NRXN1: variants seen among roughly 807,000 people sequenced by gnomAD.
NRXN1 encodes neurexin-1.
A neutral mutation model predicts 150.9 loss-of-function variants in NRXN1; 39 were observed. The ratio of observed to expected loss-of-function variants is 0.26; its 90% CI spans 0.20 to 0.34. NRXN1 has a LOEUF of 0.34. Ranked by LOEUF, NRXN1 falls within the 10% of genes least tolerant of loss-of-function variation. The probability of loss-of-function intolerance (pLI) is 1.00; values close to 1 mark genes in which losing one functional copy is unlikely to be tolerated. For synonymous variants in NRXN1, 924 were observed against 757.0 expected (o/e 1.22, Z -3.62); for missense variants, 1,815 against 1,949.9 (o/e 0.93, Z 1.30).
chr2:50,401,263 G>GA (rs1337778462), intron 17 of NRXN1, among the ~76,000 whole-genome samples: 9 of 152,016 alleles, frequency 5.9e-5, no homozygotes, highest in Non-Finnish European at 5.9e-5. Flanking sequence ...CTTAAGATGG[G>GA]AAGGCCTGCT....
At chr2:50,592,315 C>A (rs1674407096) in intron 8 of NRXN1, among the ~76,000 whole-genome samples, 1 of 152,308 alleles carries the variant, frequency 6.6e-6, no homozygotes, top group East Asian at 1.9e-4. Context: ...GCAAATGACA[C>A]CAGAGTGATC....
intron 5 of NRXN1, among the ~76,000 whole-genome samples, chr2:50,768,526 T>C (rs10205006): frequency 0.64 from 96,177 of 151,326 alleles, 30,682 homozygotes; most frequent in Middle Eastern, 0.68. Context: ...AGGCTGGTCC[T>C]GAACTCCTGA....
At chr2:50,229,943 C>A (rs1363109687) in intron 18 of NRXN1, among the ~76,000 whole-genome samples, 1 of 152,034 alleles carries the variant, frequency 6.6e-6, no homozygotes, top group Non-Finnish European at 1.5e-5. Context: ...CCACTCATCA[C>A]TGGCTAACTT....
intron 17 of NRXN1, among the ~76,000 whole-genome samples, chr2:50,357,704 A>T (rs531092187): frequency 6.6e-6 from 1 of 152,244 alleles, no homozygotes; most frequent in Non-Finnish European, 1.5e-5. Context: ...AATAAAATTT[A>T]TAAGGCAAAT....
At chr2:50,902,619 G>A (rs1683115467) in intron 5 of NRXN1, among the ~76,000 whole-genome samples, 1 of 152,150 alleles carries the variant, frequency 6.6e-6, no homozygotes, top group African/African-American at 2.4e-5. Flanking sequence ...TAACTTGGGA[G>A]TGCTGAGAAT....
Position 50,517,683 on chromosome 2 carries a change from G to T in NRXN1, c.2374+10942C>A, listed in dbSNP as rs140034602. Among the ~76,000 whole-genome samples the T allele has an allele frequency of 4.4e-3, 670 of 152,154 alleles. 12 individuals carry two copies. The highest frequency in any genetic ancestry group is 0.016 in the African/African-American group (654 of 41,526). ...ACTTCATGATGCATACAGCCTAGTG[G>T]AACAAAATGACCTAAGGTTAGCAGT... is the stretch of plus-strand genomic sequence containing the variant. On this transcript the variant is annotated intron_variant, in intron 12 of 22. Transcript: ENST00000401669.
intron 5 of NRXN1, among the ~76,000 whole-genome samples, chr2:50,834,428 T>C (rs1429946839): frequency 6.6e-6 from 1 of 152,154 alleles, no homozygotes; most frequent in Non-Finnish European, 1.5e-5. Flanking sequence ...TGAAAACAAC[T>C]CAACTGCTAG....
intron 5 of NRXN1, among the ~76,000 whole-genome samples, chr2:50,884,107 C>T (rs546045211): frequency 1.3e-5 from 2 of 151,632 alleles, no homozygotes; most frequent in African/African-American, 2.4e-5. Flanking sequence ...AAACTTTTGA[C>T]GAAAGCAGCT....
At chr2:50,782,347 G>A (rs1312243032) in intron 5 of NRXN1, among the ~76,000 whole-genome samples, 1 of 152,172 alleles carries the variant, frequency 6.6e-6, no homozygotes, top group Non-Finnish European at 1.5e-5. Flanking sequence ...GCTCATGCTT[G>A]TAGTCCCAGC....
intron 17 of NRXN1, among the ~76,000 whole-genome samples, chr2:50,350,262 T>C (rs1053057413): frequency 4.6e-5 from 7 of 152,168 alleles, no homozygotes; most frequent in African/African-American, 1.7e-4. Context: ...AAAAGAAACA[T>C]ATCTAATATG....
chr2:50,772,417 C>G (rs1011757654), intron 5 of NRXN1, among the ~76,000 whole-genome samples: 1 of 151,300 alleles, frequency 6.6e-6, no homozygotes, highest in African/African-American at 2.4e-5. Flanking sequence ...CATGGCATTG[C>G]CTTTCTTAAA....
chr2:50,209,830 T>TTTAAATCTATGTTGTAC (rs150223089), intron 18 of NRXN1, among the ~76,000 whole-genome samples: 42,083 of 151,102 alleles, frequency 0.28, 6,263 homozygotes, highest in East Asian at 0.43. Context: ...ATGTCATAGA[T>TTTAAATCTATGTTGTAC]TTAAATCTCA....
chr2:50,818,843 G>A (rs1383109746), intron 5 of NRXN1, among the ~76,000 whole-genome samples: 1 of 152,026 alleles, frequency 6.6e-6, no homozygotes, highest in Admixed American at 6.6e-5. Context: ...TGATTAAAAA[G>A]CGGGCAAAGA....
intron 5 of NRXN1, among the ~76,000 whole-genome samples, chr2:50,752,560 T>A (rs1169127212): frequency 1.3e-5 from 2 of 151,918 alleles, no homozygotes; most frequent in Non-Finnish European, 2.9e-5. Context: ...AGAATTCCCA[T>A]CCTTACCCAT....
chr2:50,554,753 C>T (rs1667993109), intron 8 of NRXN1, among the ~76,000 whole-genome samples: 2 of 152,074 alleles, frequency 1.3e-5, no homozygotes, highest in African/African-American at 4.8e-5. Flanking sequence ...ATGATTTGTG[C>T]CAACTAAATA....
chr2:50,194,070 T>C (rs2061604641), intron 18 of NRXN1, among the ~76,000 whole-genome samples: 1 of 152,166 alleles, frequency 6.6e-6, no homozygotes, highest in South Asian at 2.1e-4. Context: ...ACCAATTTAC[T>C]GGCTTACCCT....
intron 5 of NRXN1, among the ~76,000 whole-genome samples, chr2:50,819,744 G>A (rs55688936): frequency 1.3e-5 from 2 of 151,766 alleles, no homozygotes; most frequent in South Asian, 4.2e-4. Context: ...TTTTAGAGCA[G>A]TGATTATTTC....
intron 8 of NRXN1, among the ~76,000 whole-genome samples, chr2:50,611,755 T>G (rs1452871468): frequency 6.6e-6 from 1 of 152,148 alleles, no homozygotes; most frequent in Non-Finnish European, 1.5e-5. Context: ...TAGTTTGCCT[T>G]AAGAGGAGGA....
chr2:50,070,381 T>A (rs528741416), intron 19 of NRXN1, among the ~76,000 whole-genome samples: 1 of 152,306 alleles, frequency 6.6e-6, no homozygotes, highest in East Asian at 1.9e-4. Context: ...GAAACACCTG[T>A]GATCATGGGA....
Sources: gnomAD v4.1 joint callset for allele counts (sites outside exome capture counted in the v4.1 genomes callset) on GRCh38, gnomAD v4.1.1 for gene constraint, MANE v1.5 for transcripts, NCBI Gene and HGNC (gene_info 2026-07-23, HGNC 2026-07-21) for gene names.